The following SATB1 variants were observed in gnomAD, a reference collection of about 807,000 sequenced individuals.
The protein encoded by SATB1 is DNA-binding protein SATB1.
In SATB1, 11 loss-of-function variants were observed where a neutral mutation model predicts 86.9. The observed-to-expected ratio is 0.13, with a 90% confidence interval of 0.08 to 0.21. The LOEUF (loss-of-function observed/expected upper bound fraction) is 0.21, where lower values mean the gene tolerates loss of function less well. Among genes scored for constraint, SATB1 ranks in the 10% least tolerant of loss-of-function variants. SATB1 has a pLI of 1.00. For synonymous variants in SATB1, 357 were observed against 357.2 expected (o/e 1.00, Z 0.01); for missense variants, 551 against 937.6 (o/e 0.59, Z 5.39).
intron 9 of SATB1, among the ~76,000 whole-genome samples, chr3:18,356,946 GA>G (rs141385625): frequency 7.9e-5 from 12 of 151,190 alleles, no homozygotes; most frequent in African/African-American, 2.7e-4. Flanking sequence ...TATTCTCTGA[GA>G]AAAAAAGTCA....
chr3:18,417,397 G>A (rs1698172778), intron 2 of SATB1: 2 of 558,548 alleles, frequency 3.6e-6, no homozygotes, highest in Non-Finnish European at 6.3e-6. Context: ...TGACGAAAGA[G>A]AAATAAATGT....
At chr3:18,371,451 TA>T (rs1695478253) in intron 9 of SATB1, among the ~76,000 whole-genome samples, 1 of 152,220 alleles carries the variant, frequency 6.6e-6, no homozygotes, top group Admixed American at 6.5e-5. Flanking sequence ...ATGGGTTGCA[TA>T]TCTAAAAGTA....
chr3:18,400,770 T>C (rs1697220876), intron 5 of SATB1, among the ~76,000 whole-genome samples: 1 of 152,220 alleles, frequency 6.6e-6, no homozygotes, highest in Non-Finnish European at 1.5e-5. Flanking sequence ...GGTGACTATG[T>C]TTTGAGTATC....
intron 7 of SATB1, among the ~76,000 whole-genome samples, chr3:18,393,588 G>A (rs560571126): frequency 2.6e-4 from 39 of 152,302 alleles, no homozygotes; most frequent in African/African-American, 9.4e-4. Flanking sequence ...GGGCCAGGAA[G>A]ACAAAGGTGT....
At position 18,394,570 on chromosome 3, in the gene SATB1, C is replaced by A. The variant is rs149307419; in HGVS notation, c.1098G>T (p.Ser366=). The change falls in exon 7 of 11, where the codon TCG becomes TCT. Residue 366 remains serine, a synonymous_variant. Transcript: ENST00000338745. This position sits in a 1 kb window ranked among gnomAD's most constrained non-coding sequence, Gnocchi z 5.9. The stretch of plus-strand genomic sequence containing the variant: ...TTTCGGAAGACACCTCTGTGTTGGT[C>A]GAAACCTGTTGCTCCAAAGGCTTAT... ...SMNKPLEQQV[S]TNTEVSSEIY... The A allele has an allele frequency of 1.7e-5, 28 of 1,613,958 alleles. No individual in the cohort carries two copies. Among genetic ancestry groups the A allele is most frequent in the Middle Eastern group, 1.6e-4 (1 of 6,084 alleles).
intron 9 of SATB1, among the ~76,000 whole-genome samples, chr3:18,360,085 G>A (rs1244370900): frequency 1.3e-5 from 2 of 152,078 alleles, no homozygotes; most frequent in Non-Finnish European, 2.9e-5. Flanking sequence ...AGTCAATGAT[G>A]ACCAGAGTTT....
intron 8 of SATB1, among the ~76,000 whole-genome samples, chr3:18,383,996 T>C (rs1483822987): frequency 1.3e-5 from 2 of 152,176 alleles, no homozygotes; most frequent in African/African-American, 2.4e-5. Context: ...TTTTGGAGTT[T>C]GGTTAGATGG....
In SATB1 at chr3:18,352,113, C is replaced by T. The variant is rs1199181288; in HGVS notation, c.1658G>A (p.Arg553Gln). ...TGGCTGAGGAAGACTGAGGAACCTT[C>T]GGATCATGGAGAGGTTCTCCCACAG... ...RTLWENLSMI[R>Q]RFLSLPQPER... The change falls in exon 10 of 11, where the codon CGA becomes CAA. Residue 553 changes from arginine (R) to glutamine (Q), a missense_variant. Physicochemically the swap from Arg to Gln is conservative, Grantham distance 43. This residue lies in a region of SATB1 where 110 missense variants were observed against 212.2 expected (regional missense o/e 0.52). Coordinates refer to ENST00000338745, the MANE Select transcript of SATB1 (RefSeq NM_002971.6). This position sits in a 1 kb window ranked among gnomAD's most constrained non-coding sequence, Gnocchi z 4.1. 1.2e-6 allele frequency: 2 copies of T among 1,614,138 alleles called. No homozygotes were observed. Among genetic ancestry groups the T allele is most frequent in the Non-Finnish European group, 1.7e-6 (2 of 1,180,018 alleles).
chr3:18,433,401 C>T lies in SATB1; in HGVS notation c.-25+3388G>A, dbSNP rs534902488. Among the ~76,000 whole-genome samples the T allele has an allele frequency of 2.0e-5, 3 of 151,974 alleles. No homozygotes were observed. In the South Asian group the frequency reaches 6.2e-4, roughly 32 times the overall value. On this transcript the variant is annotated intron_variant, in intron 2 of 3. Transcript: ENST00000414509. ...TAAAAGAAAATTTTGTTTAAAAAAA[C>T]GCTTTCAAATTTAATCAGCTCAGTT...
upstream of SATB1, among the ~76,000 whole-genome samples, chr3:18,429,372 C>T (rs899819488): frequency 2.0e-5 from 3 of 152,220 alleles, no homozygotes; most frequent in Non-Finnish European, 4.4e-5. This position sits in a 1 kb window ranked among gnomAD's most constrained non-coding sequence, Gnocchi z 4.1. Flanking sequence ...AATGCAATAT[C>T]CTGTAAACAT....
At chr3:18,422,930 G>C (rs1361813308) in intron 1 of SATB1, among the ~76,000 whole-genome samples, 1 of 152,150 alleles carries the variant, frequency 6.6e-6, no homozygotes, top group Admixed American at 6.5e-5. Flanking sequence ...GTATCATATA[G>C]GTCATGAAAA....
chr3:18,419,299 A>G (rs957299699), intron 2 of SATB1, among the ~76,000 whole-genome samples: 8 of 152,182 alleles, frequency 5.3e-5, no homozygotes, highest in African/African-American at 7.2e-5. Flanking sequence ...GAGAGTTCCA[A>G]CTACAGCAAC....
upstream of SATB1, among the ~76,000 whole-genome samples, chr3:18,441,771 C>T (rs1052323429): frequency 6.6e-6 from 1 of 152,112 alleles, no homozygotes; most frequent in African/African-American, 2.4e-5. Context: ...CAATCCACAA[C>T]CTGTCATATG....
rs1698596330 is a variant in SATB1 at position 18,424,878 on chromosome 3, G to A, written c.-1276C>T. On this transcript the variant is annotated 5_prime_UTR_variant, in exon 1 of 11. The change creates a premature stop within an existing upstream ORF in the 5' untranslated region. Transcript: ENST00000338745. ...GGCAGGATAGAGGGCGGCCGCGGCTGTTGTTGTTGTGACGAGGCCGGGTGT... is the reference window on the plus strand; with the variant it reads ...GGCAGGATAGAGGGCGGCCGCGGCTATTGTTGTTGTGACGAGGCCGGGTGT... 2 of 153,826 alleles carry A rather than the reference G, an allele frequency of 1.3e-5. No individual in the cohort carries two copies. The highest frequency in any genetic ancestry group is 2.1e-4 in the South Asian group (1 of 4,862). The allele number at this position is 153,826 out of a possible 1,614,324, so 9.5% of individuals were successfully genotyped here. A position where few individuals can be genotyped will look rare whatever the true frequency, so the allele number is the denominator to read the frequency against.
chr3:18,394,538 T>C lies in SATB1; in HGVS notation c.1130A>G (p.Gln377Arg). ...TCGTTTCAGTTCATCGCGTACCCAC[T>C]GGTAGATTTCGGAAGACACCTCTGT... ...TNTEVSSEIYQWVRDELKRAG... is the reference protein window; with the variant it reads ...TNTEVSSEIYRWVRDELKRAG... Residue 377 changes from glutamine (Q) to arginine (R), a missense_variant, in exon 7 of 11, where the codon CAG becomes CGG. By Grantham distance (43) the Gln-to-Arg change is conservative. Coordinates refer to ENST00000338745, the MANE Select transcript of SATB1 (RefSeq NM_002971.6). The surrounding 1 kb of genome is among the most constrained non-coding windows in gnomAD (Gnocchi z 5.9). The C allele has an allele frequency of 6.2e-7, 1 of 1,614,182 alleles. No homozygotes were observed. Among genetic ancestry groups the C allele is most frequent in the Middle Eastern group, 1.7e-4 (1 of 6,060 alleles).
chr3:18,379,511 G>A (rs1031203162), intron 8 of SATB1, among the ~76,000 whole-genome samples: 1 of 152,156 alleles, frequency 6.6e-6, no homozygotes, highest in African/African-American at 2.4e-5. Context: ...AATAGAAAAT[G>A]AAGTATGCTG....
chr3:18,429,382 T>C (rs183367426), upstream of SATB1, among the ~76,000 whole-genome samples: 112 of 152,326 alleles, frequency 7.4e-4, no homozygotes, highest in African/African-American at 2.6e-3. This position sits in a 1 kb window ranked among gnomAD's most constrained non-coding sequence, Gnocchi z 4.1. Context: ...CCTGTAAACA[T>C]TGCACGCTTC....
At chr3:18,377,070 T>C (rs1695796384) in intron 9 of SATB1, among the ~76,000 whole-genome samples, 1 of 152,152 alleles carries the variant, frequency 6.6e-6, no homozygotes, top group African/African-American at 2.4e-5. Context: ...AACAACATTC[T>C]TCTAAAGCAA....
At chr3:18,400,657 C>T (rs1697213190) in intron 5 of SATB1, among the ~76,000 whole-genome samples, 1 of 152,142 alleles carries the variant, frequency 6.6e-6, no homozygotes, top group African/African-American at 2.4e-5. Context: ...AGCACAGAGC[C>T]TGTAACATAT....
Sources: gnomAD v4.1 joint callset for allele counts (sites outside exome capture counted in the v4.1 genomes callset) on GRCh38, gnomAD v4.1.1 for gene constraint, gnomAD v4.1.1 regional missense constraint, Gnocchi (gnomAD v3.1) non-coding constraint, MANE v1.5 for transcripts, NCBI Gene and HGNC (gene_info 2026-07-23, HGNC 2026-07-21) for gene names.